Variants in ANTXR1 observed in about 807,000 individuals in gnomAD.
The protein encoded by ANTXR1 is ANTXR cell adhesion molecule 1, also known as anthrax toxin receptor 1.
In ANTXR1, 19 loss-of-function variants were observed where a neutral mutation model predicts 78.1. The observed-to-expected ratio is 0.24, with a 90% CI of 0.17 to 0.36. The LOEUF (loss-of-function observed/expected upper bound fraction) is 0.36, where lower values mean the gene tolerates loss of function less well. Among genes scored for constraint, ANTXR1 ranks in the 10% least tolerant of loss-of-function variants. ANTXR1 has a pLI of 1.00. For missense variants in ANTXR1, 518 were observed against 718.6 expected (o/e 0.72, Z 3.19); for synonymous variants, 273 against 260.5 (o/e 1.05, Z -0.46).
intron 17 of ANTXR1, among the ~76,000 whole-genome samples, chr2:69,220,528 T>C (rs11126228): frequency 0.48 from 73,119 of 152,058 alleles, 18,062 homozygotes; most frequent in East Asian, 0.79. Context: ...GTGTGTGACA[T>C]TAAGATTACA....
At chr2:69,112,902 A>G (rs964899492) in intron 10 of ANTXR1, among the ~76,000 whole-genome samples, 3 of 152,166 alleles carry the variant, frequency 2.0e-5, no homozygotes, top group Non-Finnish European at 4.4e-5. Flanking sequence ...GCCATAATCT[A>G]GAATGGTTGG....
Position 69,013,527 on chromosome 2 carries a change from G to A in ANTXR1, c.28G>A (p.Gly10Ser), listed in dbSNP as rs1361879741. The A allele has an allele frequency of 4.4e-6, 7 of 1,587,200 alleles. No individual in the cohort carries two copies. The highest frequency in any genetic ancestry group is 6.0e-6 in the Non-Finnish European group (7 of 1,168,550). MATAERRAL[G>S]IGFQWLSLAT... Reference sequence around the variant, plus strand: ...GGCCACGGCGGAGCGGAGAGCCCTCGGCATCGGCTTCCAGTGGCTCTCTTT... The same window carrying A: ...GGCCACGGCGGAGCGGAGAGCCCTCAGCATCGGCTTCCAGTGGCTCTCTTT... The change falls in exon 1 of 18, where the codon GGC (glycine) becomes AGC (serine). Residue 10 changes from glycine (G) to serine (S), a missense_variant. Gly to Ser is a moderately conservative substitution (Grantham distance 56). Coordinates refer to ENST00000303714, the MANE Select transcript of ANTXR1 (RefSeq NM_032208.3). The surrounding 1 kb of genome is among the most constrained non-coding windows in gnomAD (Gnocchi z 5.0).
rs147008957 is a variant in ANTXR1 at position 69,134,727 on chromosome 2, C to T, written c.951+10084C>T. Among the ~76,000 whole-genome samples the T allele has an allele frequency of 1.2e-3, 188 of 152,332 alleles. 1 individual carries two copies. The highest frequency in any genetic ancestry group is 4.4e-3 in the African/African-American group (183 of 41,570). On this transcript the variant is annotated intron_variant, in intron 12 of 17. Transcript: ENST00000303714. The stretch of plus-strand genomic sequence containing the variant: ...GCTCTGTTGGTGATACTGGAGACAA[C>T]TTCTCTTAGTGCAGTTCAGATTGGC...
chr2:69,155,500 C>G (rs1357182880), intron 13 of ANTXR1, among the ~76,000 whole-genome samples: 1 of 152,134 alleles, frequency 6.6e-6, no homozygotes, highest in African/African-American at 2.4e-5. Flanking sequence ...CACGCCATGC[C>G]CACTCCAGCT....
At chr2:69,085,700 C>G (rs1553360732) in intron 8 of ANTXR1, among the ~76,000 whole-genome samples, 2 of 80,672 alleles carry the variant, frequency 2.5e-5, no homozygotes. Context: ...AGACAGTGAC[C>G]AAACAATAAA....
chr2:69,239,981 A>T (rs897267137), intron 17 of ANTXR1, among the ~76,000 whole-genome samples: 18 of 152,286 alleles, frequency 1.2e-4, no homozygotes, highest in African/African-American at 3.6e-4. Flanking sequence ...TTTAGAGGTA[A>T]CATTAACCTT....
intron 10 of ANTXR1, among the ~76,000 whole-genome samples, chr2:69,106,133 G>A (rs1025815930): frequency 6.6e-6 from 1 of 152,116 alleles, no homozygotes; most frequent in South Asian, 2.1e-4. Context: ...GCTAAGACAT[G>A]GATAAAATGC....
intron 8 of ANTXR1, among the ~76,000 whole-genome samples, chr2:69,087,783 C>G (rs962913758): frequency 3.1e-4 from 47 of 152,278 alleles, no homozygotes; most frequent in African/African-American, 1.0e-3. Context: ...TCCCTACCCC[C>G]ACACAGTCTC....
intron 4 of ANTXR1, among the ~76,000 whole-genome samples, 179 bp from the exon 5 acceptor site, chr2:69,071,575 A>C (rs1670566824): frequency 6.6e-6 from 1 of 152,222 alleles, no homozygotes; most frequent in Non-Finnish European, 1.5e-5. Context: ...TACTACTTAA[A>C]TGAGAGGTAA....
intron 1 of ANTXR1, among the ~76,000 whole-genome samples, chr2:69,021,743 G>A (rs1223378553): frequency 6.6e-6 from 1 of 152,186 alleles, no homozygotes; most frequent in East Asian, 1.9e-4. Flanking sequence ...AGCTTCTACT[G>A]AAAACGTATA....
intron 9 of ANTXR1, among the ~76,000 whole-genome samples, chr2:69,094,150 C>T (rs1316112996): frequency 2.0e-5 from 3 of 152,182 alleles, no homozygotes; most frequent in Non-Finnish European, 4.4e-5. Context: ...TCAGATAGAG[C>T]GAGGCGTAGC....
chr2:69,146,303 C>T, intron 12 of ANTXR1: 2 of 985,444 alleles, frequency 2.0e-6, no homozygotes, highest in Non-Finnish European at 2.4e-6. Context: ...CATCTGAGAA[C>T]TCCCCCCACC....
At chr2:69,211,381 A>C (rs1675040246) in intron 17 of ANTXR1, among the ~76,000 whole-genome samples, 1 of 152,226 alleles carries the variant, frequency 6.6e-6, no homozygotes, top group African/African-American at 2.4e-5. Flanking sequence ...CTGTGCCAGC[A>C]GGTGTTGGGC....
intron 17 of ANTXR1, among the ~76,000 whole-genome samples, chr2:69,205,591 C>CTT (rs768055915): frequency 0.012 from 1,263 of 107,398 alleles, 16 homozygotes; most frequent in African/African-American, 0.039. Context: ...TGAACCATGG[C>CTT]TTTTTTTTTT....
intron 16 of ANTXR1, among the ~76,000 whole-genome samples, chr2:69,192,714 A>G (rs1282414902): frequency 6.6e-6 from 1 of 152,214 alleles, no homozygotes; most frequent in East Asian, 1.9e-4. Flanking sequence ...GTGCTGACAT[A>G]GTCACTCTTC....
At chr2:69,064,428 T>G (rs1430754040) in intron 3 of ANTXR1, among the ~76,000 whole-genome samples, 4 of 152,174 alleles carry the variant, frequency 2.6e-5, no homozygotes, top group Non-Finnish European at 5.9e-5. Flanking sequence ...AATATTCTTG[T>G]GCTAATGGAG....
At position 69,144,452 on chromosome 2, in the gene ANTXR1, C is replaced by T. The variant is rs546907573; in HGVS notation, c.952-7717C>T. On this transcript the variant is annotated intron_variant, in intron 12 of 17. Coordinates refer to ENST00000303714, the MANE Select transcript of ANTXR1 (RefSeq NM_032208.3). ...AAGGTCTCTTTCCCTTGAAGGCACTCCAAAGTGCTTCATAGGCACCCTCAC... is the reference window on the plus strand; with the variant it reads ...AAGGTCTCTTTCCCTTGAAGGCACTTCAAAGTGCTTCATAGGCACCCTCAC... Among the ~76,000 whole-genome samples, 34 of 152,310 alleles carry T rather than the reference C, an allele frequency of 2.2e-4. No individual in the cohort carries two copies. In the South Asian group the frequency reaches 6.2e-3, roughly 28 times the overall value.
chr2:69,109,139 A>G (rs1350688239), intron 10 of ANTXR1, among the ~76,000 whole-genome samples: 1 of 152,170 alleles, frequency 6.6e-6, no homozygotes, highest in Non-Finnish European at 1.5e-5. Flanking sequence ...AATAATAGCC[A>G]TACTATGTCT....
intron 3 of ANTXR1, among the ~76,000 whole-genome samples, chr2:69,045,539 T>A (rs1195824608): frequency 6.6e-6 from 1 of 151,934 alleles, no homozygotes; most frequent in African/African-American, 2.4e-5. Context: ...GGAACACATG[T>A]GGGATTATTG....
Sources: gnomAD v4.1 joint callset for allele counts (sites outside exome capture counted in the v4.1 genomes callset) on GRCh38, gnomAD v4.1.1 for gene constraint, Gnocchi (gnomAD v3.1) non-coding constraint, MANE v1.5 for transcripts, NCBI Gene and HGNC (gene_info 2026-07-23, HGNC 2026-07-21) for gene names.